Variants in RPS6KC1 observed in about 807,000 individuals in gnomAD.
RPS6KC1 encodes ribosomal protein S6 kinase C1.
RPS6KC1 carries 54 observed loss-of-function variants against 103.8 expected under a neutral mutation model. That is an observed-to-expected ratio of 0.52 (90% CI 0.42 to 0.65). RPS6KC1 has a LOEUF of 0.65. Ranked by LOEUF, RPS6KC1 falls within the 30% of genes least tolerant of loss-of-function variation. RPS6KC1 has a pLI of 0.00. For synonymous variants in RPS6KC1, 439 were observed against 438.7 expected (o/e 1.00, Z -0.01); for missense variants, 1,151 against 1,253.8 (o/e 0.92, Z 1.24).
Position 213,176,388 on chromosome 1 carries a change from A to G in RPS6KC1, c.952-12A>G, listed in dbSNP as rs763649903. Reference sequence around the variant, plus strand: ...CCCTGATTGATGTATAATCTTTGATATCTTCCATTAGCCTCCAGGATCACT... The same window carrying G: ...CCCTGATTGATGTATAATCTTTGATGTCTTCCATTAGCCTCCAGGATCACT... On this transcript the variant is annotated splice_polypyrimidine_tract_variant and intron_variant, in intron 7 of 14. Coordinates refer to ENST00000366960, the MANE Select transcript of RPS6KC1 (RefSeq NM_012424.6). 2 of 1,580,188 alleles carry G rather than the reference A, an allele frequency of 1.3e-6. No individual in the cohort carries two copies. Among genetic ancestry groups the G allele is most frequent in the African/African-American group, 1.3e-5 (1 of 74,620 alleles).
the RPS6KC1 span, among the ~76,000 whole-genome samples, chr1:213,383,712 G>A: frequency 1.3e-5 from 2 of 152,018 alleles, no homozygotes; most frequent in African/African-American, 2.4e-5. Flanking sequence ...CCTATAAGAA[G>A]AGACACCAGA....
At chr1:213,222,644 C>T (rs551937945) in intron 8 of RPS6KC1, among the ~76,000 whole-genome samples, 23 of 152,038 alleles carry the variant, frequency 1.5e-4, no homozygotes, top group Non-Finnish European at 2.4e-4. Context: ...TAAAGCCCAC[C>T]GAGTACTATT....
the RPS6KC1 span, among the ~76,000 whole-genome samples, chr1:213,497,574 C>T: frequency 0.031 from 4,759 of 152,060 alleles, 182 homozygotes; most frequent in East Asian, 0.12. Context: ...GCAACCAAAG[C>T]AGTAACAGGA....
At chr1:213,122,692 G>T (rs1018994595) in intron 5 of RPS6KC1, among the ~76,000 whole-genome samples, 4 of 152,086 alleles carry the variant, frequency 2.6e-5, no homozygotes, top group African/African-American at 7.2e-5. Context: ...CTTGTTACTG[G>T]TATTTTTCTA....
At chr1:213,770,627 A>G in the RPS6KC1 span, among the ~76,000 whole-genome samples, 7 of 152,278 alleles carry the variant, frequency 4.6e-5, no homozygotes, top group East Asian at 5.8e-4. Flanking sequence ...TCATTTAGCT[A>G]TGGAGGTAAT....
the RPS6KC1 span, among the ~76,000 whole-genome samples, chr1:213,749,579 G>C: frequency 6.6e-6 from 1 of 152,118 alleles, no homozygotes; most frequent in Admixed American, 6.5e-5. Context: ...AATCCAACTT[G>C]TGTTTGAACT....
At chr1:213,851,663 G>C in the RPS6KC1 span, among the ~76,000 whole-genome samples, 1 of 151,974 alleles carries the variant, frequency 6.6e-6, no homozygotes, top group Middle Eastern at 3.4e-3. Flanking sequence ...CTGTCTACTG[G>C]ACCACCTCAA....
At chr1:213,243,752 GT>G (rs2094405228) in intron 12 of RPS6KC1, among the ~76,000 whole-genome samples, 2 of 152,236 alleles carry the variant, frequency 1.3e-5, no homozygotes, top group South Asian at 4.1e-4. Flanking sequence ...CTTCAAAGGA[GT>G]TTCAAGCTGA....
the RPS6KC1 span, among the ~76,000 whole-genome samples, chr1:213,305,314 G>T: frequency 3.5e-3 from 531 of 151,954 alleles, 7 homozygotes; most frequent in African/African-American, 0.012. Context: ...AACTCCTGAC[G>T]TCAGGTGATC....
chr1:213,477,375 T>G, the RPS6KC1 span, among the ~76,000 whole-genome samples: 16 of 150,540 alleles, frequency 1.1e-4, no homozygotes, highest in African/African-American at 4.0e-4. Flanking sequence ...CTATTTCATC[T>G]ATTGATTTTT....
intron 4 of RPS6KC1, among the ~76,000 whole-genome samples, chr1:213,113,499 T>C (rs2148855295): frequency 6.7e-6 from 1 of 150,292 alleles, no homozygotes; most frequent in South Asian, 2.1e-4. Flanking sequence ...TTTTCTCCCA[T>C]GTTGTAGGTT....
the RPS6KC1 span, among the ~76,000 whole-genome samples, chr1:213,683,264 C>A: frequency 6.6e-6 from 1 of 152,176 alleles, no homozygotes; most frequent in Non-Finnish European, 1.5e-5. Flanking sequence ...AGGCTAGGAA[C>A]TGAATCTCCT....
At chr1:213,552,298 T>C in the RPS6KC1 span, among the ~76,000 whole-genome samples, 4 of 152,250 alleles carry the variant, frequency 2.6e-5, no homozygotes, top group Non-Finnish European at 5.9e-5. Context: ...ACTGACAGAC[T>C]GTCTCCAAAG....
chr1:213,767,647 G>A, the RPS6KC1 span, among the ~76,000 whole-genome samples: 1 of 152,194 alleles, frequency 6.6e-6, no homozygotes, highest in South Asian at 2.1e-4. Flanking sequence ...CAGACATTGG[G>A]AAGGAGAGAG....
At chr1:213,829,090 A>G in the RPS6KC1 span, among the ~76,000 whole-genome samples, 1 of 152,138 alleles carries the variant, frequency 6.6e-6, no homozygotes, top group South Asian at 2.1e-4. Flanking sequence ...TATTAGGACC[A>G]CTTATGAATC....
the RPS6KC1 span, among the ~76,000 whole-genome samples, chr1:213,806,740 CA>C: frequency 9.1e-4 from 134 of 147,918 alleles, no homozygotes; most frequent in African/African-American, 3.2e-3. Context: ...TCCAATTTGC[CA>C]GTCTGTGTCT....
chr1:213,378,084 T>G, the RPS6KC1 span, among the ~76,000 whole-genome samples: 3 of 152,200 alleles, frequency 2.0e-5, no homozygotes, highest in African/African-American at 7.2e-5. Flanking sequence ...CCAGCAACCT[T>G]GCTTAATGGA....
intron 12 of RPS6KC1, among the ~76,000 whole-genome samples, chr1:213,255,393 A>G (rs2094619207): frequency 6.6e-6 from 1 of 151,846 alleles, no homozygotes; most frequent in Non-Finnish European, 1.5e-5. Context: ...AATTTGAGGT[A>G]GGAGTTAAAG....
At chr1:213,123,872 G>T (rs2084681122) in intron 5 of RPS6KC1, among the ~76,000 whole-genome samples, 1 of 152,126 alleles carries the variant, frequency 6.6e-6, no homozygotes, top group Non-Finnish European at 1.5e-5. Flanking sequence ...GAGACCACCT[G>T]TTGTTCTAAA....
Sources: allele counts gnomAD v4.1 joint callset (sites outside exome capture counted in the v4.1 genomes callset), GRCh38; gene constraint gnomAD v4.1.1; transcripts MANE v1.5; gene names NCBI Gene and HGNC (gene_info 2026-07-23, HGNC 2026-07-21).